Variants in PKHD1L1 observed in about 807,000 individuals in gnomAD.
PKHD1L1 encodes the protein PKHD1 like 1.
In PKHD1L1, 434 loss-of-function variants were observed where a neutral mutation model predicts 462.9. The ratio of observed to expected loss-of-function variants is 0.94; its 90% CI spans 0.87 to 1.02. The LOEUF (loss-of-function observed/expected upper bound fraction) is 1.02, where lower values mean the gene tolerates loss of function less well. Among genes scored for constraint, PKHD1L1 ranks in the 50% least tolerant of loss-of-function variants. PKHD1L1 has a pLI of 0.00. For missense variants in PKHD1L1, 5,202 were observed against 5,096.1 expected (o/e 1.02, Z -0.63); for synonymous variants, 1,781 against 1,750.0 (o/e 1.02, Z -0.44).
In PKHD1L1 at chr8:109,394,574, G is replaced by A. The variant is rs1411194624; in HGVS notation, c.811+89G>A. The A allele has an allele frequency of 1.4e-5, 12 of 829,206 alleles. No homozygotes were observed. In the South Asian group the frequency reaches 2.5e-4, roughly 17 times the overall value. 51.4% of individuals were successfully genotyped at this position (829,206 alleles called of 1,614,324 possible). On this transcript the variant is annotated intron_variant, in intron 10 of 77. Coordinates refer to ENST00000378402, the MANE Select transcript of PKHD1L1 (RefSeq NM_177531.6). ...TCAAACCAAAGACAATGAGTGTAAG[G>A]TGTATTATATTATTTGATGTACTGC...
At chr8:109,518,089 A>G in intron 72 of PKHD1L1, 78 bp from the exon 73 acceptor site, 2 of 917,948 alleles carry the variant, frequency 2.2e-6, no homozygotes, top group Non-Finnish European at 3.2e-6. Context: ...CTAAATTCAA[A>G]CAAACATTAA....
Position 109,380,266 on chromosome 8 carries a change from C to T in PKHD1L1, c.164-1104C>T, listed in dbSNP as rs117511965. 7.1e-3 allele frequency among the ~76,000 whole-genome samples: 1,075 copies of T among 152,254 alleles called. 10 individuals carry two copies. The highest frequency in any genetic ancestry group is 0.031 in the Middle Eastern group (9 of 294). ...TAGTAGAGCTCTCAGCTGGCTACCACCTCAAAAACTTGGTGATGGATTGTG... is the reference window on the plus strand; with the variant it reads ...TAGTAGAGCTCTCAGCTGGCTACCATCTCAAAAACTTGGTGATGGATTGTG... On this transcript the variant is annotated intron_variant, in intron 2 of 77. Transcript: ENST00000378402.
intron 76 of PKHD1L1, among the ~76,000 whole-genome samples, chr8:109,524,640 A>T (rs1243252773): frequency 3.3e-5 from 5 of 152,250 alleles, no homozygotes; most frequent in African/African-American, 1.2e-4. Context: ...TTGGCATTTT[A>T]CTGTGGCAAC....
rs887738148 is a variant in PKHD1L1 at position 109,533,615 on chromosome 8, T to C, written c.*3525T>C. Among the ~76,000 whole-genome samples, 1 of 152,208 alleles carries C rather than the reference T, an allele frequency of 6.6e-6. No homozygotes were observed. Among genetic ancestry groups the C allele is most frequent in the Non-Finnish European group, 1.5e-5 (1 of 68,030 alleles). ...CGTGGCATATTCTAGAAACTGACCT[T>C]AAAACATAGCTATTATGCATCCCTT... is the stretch of plus-strand genomic sequence containing the variant. On this transcript the variant is annotated 3_prime_UTR_variant, in exon 78 of 78. Coordinates refer to ENST00000378402, the MANE Select transcript of PKHD1L1 (RefSeq NM_177531.6).
chr8:109,365,510 T>C (rs1013943096), intron 2 of PKHD1L1, among the ~76,000 whole-genome samples: 1 of 152,182 alleles, frequency 6.6e-6, no homozygotes, highest in Non-Finnish European at 1.5e-5. Context: ...TAAAGTGTTA[T>C]TTTTTAGAGT....
intron 54 of PKHD1L1, 139 bp from the exon 55 acceptor site, chr8:109,479,852 G>T: frequency 1.1e-6 from 1 of 940,922 alleles, no homozygotes; most frequent in South Asian, 1.9e-5. Context: ...GATTTTCTGG[G>T]AGAGATAGGA....
rs182089292 is a variant in PKHD1L1 at position 109,523,011 on chromosome 8, G to A, written c.12330+121G>A. On this transcript the variant is annotated intron_variant, in intron 75 of 77. Transcript: ENST00000378402. ...TGAGGATCACACGGCCCTTTCAGAA[G>A]TTGGACTAATATCCAAGGATACCAT... The A allele has an allele frequency of 2.6e-4, 297 of 1,152,234 alleles. 1 individual carries two copies. The African/African-American group carries it at 4.4e-3, about 17-fold the overall frequency. The allele number at this position is 1,152,234 out of a possible 1,614,324, so 71.4% of individuals were successfully genotyped here.
At position 109,508,228 on chromosome 8, in the gene PKHD1L1, G is replaced by C; in HGVS notation, c.11359G>C (p.Ala3787Pro). Residue 3787 changes from alanine (A) to proline (P), a missense_variant, in exon 70 of 78, where the codon GCT becomes CCT. Around this residue, in one of 3 missense-constraint regions of PKHD1L1, gnomAD observed 698 missense variants for 736.3 expected, o/e 0.95. Transcript: ENST00000378402. ...AGAAACTCGAAGACTTTCCCCAGTG[G>C]CTATAATGGGCAACGGTTATGTTGA... is the stretch of plus-strand genomic sequence containing the variant. ...DTETRRLSPV[A>P]IMGNGYVDLI... is the part of the protein sequence containing the mutation. The C allele has an allele frequency of 3.7e-6, 6 of 1,612,370 alleles. No individual in the cohort carries two copies. Among genetic ancestry groups the C allele is most frequent in the Non-Finnish European group, 4.2e-6 (5 of 1,179,174 alleles).
chr8:109,529,111 G>T (rs776807946), intron 77 of PKHD1L1, among the ~76,000 whole-genome samples: 2 of 152,188 alleles, frequency 1.3e-5, no homozygotes, highest in Non-Finnish European at 2.9e-5. Context: ...AAATATAAAG[G>T]ATCAGAGGAC....
intron 27 of PKHD1L1, among the ~76,000 whole-genome samples, chr8:109,432,707 A>G (rs545983887): frequency 1.3e-5 from 2 of 152,332 alleles, no homozygotes; most frequent in African/African-American, 4.8e-5. Context: ...GGAAGTGTCC[A>G]TACCACTAAT....
chr8:109,522,865 C>G lies in PKHD1L1; in HGVS notation c.12305C>G (p.Pro4102Arg). 6.2e-7 allele frequency: 1 copy of G among 1,609,348 alleles called. No individual in the cohort carries two copies. The change falls in exon 75 of 78, where the codon CCT (proline) becomes CGT (arginine). Residue 4102 changes from proline to arginine, a missense_variant. Pro to Arg is a moderately radical substitution (Grantham distance 103). Coordinates refer to ENST00000378402, the MANE Select transcript of PKHD1L1 (RefSeq NM_177531.6). ...CCAGGACAGCCATTTCCTCAGCAGC[C>G]TTCGGTAAAGGCAACAGATTCTGAC... The part of the protein sequence containing the change: ...AQPGQPFPQQ[P>R]SVKATDSDGN...
At chr8:109,523,499 C>G in intron 76 of PKHD1L1, 113 bp downstream of exon 76, 1 of 1,047,210 alleles carries the variant, frequency 9.5e-7, no homozygotes, top group Non-Finnish European at 1.3e-6. Context: ...TTATAGACAT[C>G]AGAATGCTAT....
chr8:109,471,138 C>T (rs929132973), intron 50 of PKHD1L1: 7 of 1,366,318 alleles, frequency 5.1e-6, no homozygotes, highest in Admixed American at 2.1e-5. Flanking sequence ...AGACATTTAC[C>T]TTTGTATTCT....
intron 22 of PKHD1L1, among the ~76,000 whole-genome samples, chr8:109,420,133 C>T (rs1255640698): frequency 6.6e-6 from 1 of 152,062 alleles, no homozygotes; most frequent in Non-Finnish European, 1.5e-5. Context: ...TTTGTCCTGC[C>T]CTCATGAAGC....
chr8:109,523,140 T>A (rs1284981272), intron 75 of PKHD1L1, 93 bp from the exon 76 acceptor site: 1 of 1,230,374 alleles, frequency 8.1e-7, no homozygotes, highest in Non-Finnish European at 1.1e-6. Flanking sequence ...CAATTTATAA[T>A]GAGGCATTTT....
intron 68 of PKHD1L1, among the ~76,000 whole-genome samples, chr8:109,505,920 A>G (rs1405466696): frequency 6.6e-6 from 1 of 151,962 alleles, no homozygotes; most frequent in African/African-American, 2.4e-5. Context: ...AAAAGTAGGC[A>G]CCTCTTCAGA....
At chr8:109,390,565 G>A in intron 9 of PKHD1L1, 71 bp downstream of exon 9, 1 of 915,950 alleles carries the variant, frequency 1.1e-6, no homozygotes, top group East Asian at 3.0e-5. Context: ...TGTATATTTA[G>A]TTTGTGCTGT....
chr8:109,475,387 T>C, intron 51 of PKHD1L1, 118 bp downstream of exon 51: 5 of 877,508 alleles, frequency 5.7e-6, no homozygotes, highest in Admixed American at 3.3e-5. Context: ...AATTGAGCTA[T>C]TGAAATCCTG....
rs1332376596 is a variant in PKHD1L1, at chr8:109,408,211, G to A, written c.1971+5G>A. 8.7e-6 allele frequency: 14 copies of A among 1,607,500 alleles called. 1 individual carries two copies. Among genetic ancestry groups the A allele is most frequent in the South Asian group, 6.7e-5 (6 of 90,154 alleles). ...CTATGGTCATCAGAAGCTGAAGTAC[G>A]GTGTAGGAATGTTTCTACCACGCAT... On this transcript the variant is annotated splice_donor_5th_base_variant and intron_variant, in intron 18 of 77. Coordinates refer to ENST00000378402, the MANE Select transcript of PKHD1L1 (RefSeq NM_177531.6).
Sources: gnomAD v4.1 joint callset for allele counts (sites outside exome capture counted in the v4.1 genomes callset) on GRCh38, gnomAD v4.1.1 for gene constraint, gnomAD v4.1.1 regional missense constraint, MANE v1.5 for transcripts, NCBI Gene and HGNC (gene_info 2026-07-23, HGNC 2026-07-21) for gene names.